JAKMIP2: variants seen among roughly 807,000 people sequenced by gnomAD.
JAKMIP2 encodes janus kinase and microtubule interacting protein 2.
JAKMIP2 carries 25 observed loss-of-function variants against 115.0 expected under a neutral mutation model. The ratio of observed to expected loss-of-function variants is 0.22; its 90% CI spans 0.16 to 0.30. JAKMIP2 has a LOEUF of 0.30. JAKMIP2 is among the 10% of genes least tolerant of loss of function. JAKMIP2 has a pLI of 1.00. For synonymous variants in JAKMIP2, 334 were observed against 343.6 expected, an observed-to-expected ratio of 0.97 and a Z score of 0.31; for missense variants, 642 against 957.6, an observed-to-expected ratio of 0.67 and a Z score of 4.35.
chr5:147,742,155 A>ATATATATATATATATATATATTTTTT lies in JAKMIP2; in HGVS notation c.-149+40300_-149+40301insAAAAAATATATATATATATATATATA. 1.5e-4 allele frequency among the ~76,000 whole-genome samples: 16 copies of ATATATATATATATATATATATTTTTT among 108,904 alleles called. 1 individual carries two copies. Among genetic ancestry groups the ATATATATATATATATATATATTTTTT allele is most frequent in the East Asian group, 1.3e-3 (4 of 3,060 alleles). The allele number at this position is 108,904 out of a possible 152,430, so 71.4% of individuals were successfully genotyped here. On this transcript the variant is annotated intron_variant, in intron 1 of 21. Coordinates refer to ENST00000616793, the MANE Select transcript of JAKMIP2 (RefSeq NM_001270941.2). ...TGTGGATCATTATATATATATATAT[A>ATATATATATATATATATATATTTTTT]TTTTTTTTACTATTGTATTGTATCT...
intron 8 of JAKMIP2, 44 bp from the exon 9 acceptor site, chr5:147,640,867 AGGGAAAGTTGAACGTTAAAATACT>A: frequency 6.3e-7 from 1 of 1,590,638 alleles, no homozygotes; most frequent in Non-Finnish European, 8.6e-7. Context: ...AGCTAACAGT[AGGGAAAGTTGAACGTTAAAATACT>A]GTCAACTGGC....
chr5:147,663,880 C>T (rs17107091), intron 2 of JAKMIP2, among the ~76,000 whole-genome samples: 21,622 of 151,986 alleles, frequency 0.14, 2,635 homozygotes, highest in East Asian at 0.35. Flanking sequence ...CTTTCTTAGG[C>T]TCTAGACTTG....
chr5:147,720,919 G>A (rs1182154214), intron 1 of JAKMIP2, among the ~76,000 whole-genome samples: 8 of 152,182 alleles, frequency 5.3e-5, no homozygotes, highest in Non-Finnish European at 7.3e-5. Context: ...GAGGAGGAGA[G>A]GCGCTCTGCT....
At chr5:147,605,389 T>C (rs903915099) in intron 20 of JAKMIP2, among the ~76,000 whole-genome samples, 5 of 152,058 alleles carry the variant, frequency 3.3e-5, no homozygotes, top group African/African-American at 1.2e-4. Flanking sequence ...TTTTGTATTT[T>C]TAGTAGAGAC....
intron 1 of JAKMIP2, among the ~76,000 whole-genome samples, chr5:147,709,285 T>C: frequency 6.6e-6 from 1 of 152,230 alleles, no homozygotes; most frequent in Non-Finnish European, 1.5e-5. Flanking sequence ...GAGACTCTTA[T>C]ACATACTTGC....
chr5:147,587,399 C>T lies in JAKMIP2; in HGVS notation c.*4308G>A, dbSNP rs1166426486. On this transcript the variant is annotated 3_prime_UTR_variant, in exon 22 of 22. Coordinates refer to ENST00000616793, the MANE Select transcript of JAKMIP2 (RefSeq NM_001270941.2). Reference sequence around the variant, plus strand: ...GCAATGCAACTCCCAAATTACAGAGCAAATTTCTATTGCTCTGTGTGTGTG... The same window carrying T: ...GCAATGCAACTCCCAAATTACAGAGTAAATTTCTATTGCTCTGTGTGTGTG... The T allele has an allele frequency of 7.3e-6, 1 of 137,130 alleles. No individual in the cohort carries two copies. Among genetic ancestry groups the T allele is most frequent in the Admixed American group, 7.9e-5 (1 of 12,668 alleles). The allele number at this position is 137,130 out of a possible 1,614,324, so 8.5% of individuals were successfully genotyped here. A position where few individuals can be genotyped will look rare whatever the true frequency, so the allele number is the denominator to read the frequency against.
intron 6 of JAKMIP2, among the ~76,000 whole-genome samples, chr5:147,644,474 T>C (rs1194213201): frequency 6.6e-6 from 1 of 152,208 alleles, no homozygotes; most frequent in Non-Finnish European, 1.5e-5. Context: ...CAAGTAATGG[T>C]ATCTATTTCC....
At chr5:147,766,131 T>A (rs1354941091) in intron 1 of JAKMIP2, among the ~76,000 whole-genome samples, 1 of 152,120 alleles carries the variant, frequency 6.6e-6, no homozygotes, top group African/African-American at 2.4e-5. Context: ...CCCCATCTTT[T>A]CTCCTTCTCC....
At chr5:147,654,174 G>C (rs1256096748) in intron 3 of JAKMIP2, among the ~76,000 whole-genome samples, 1 of 151,844 alleles carries the variant, frequency 6.6e-6, no homozygotes, top group Non-Finnish European at 1.5e-5. Flanking sequence ...TTTTTGCTTA[G>C]GACTGTGTTG....
chr5:147,673,563 G>A (rs575059913), intron 1 of JAKMIP2, among the ~76,000 whole-genome samples: 5 of 152,268 alleles, frequency 3.3e-5, no homozygotes, highest in Admixed American at 1.3e-4. Flanking sequence ...TGAGACTGTC[G>A]GCAGCAGTCA....
Position 147,593,394 on chromosome 5 carries a change from A to C in JAKMIP2, c.*21-1708T>G, listed in dbSNP as rs79038853. Among the ~76,000 whole-genome samples, 122 of 152,356 alleles carry C rather than the reference A, an allele frequency of 8.0e-4. No homozygotes were observed. In the East Asian group the frequency reaches 0.022, roughly 28 times the overall value. Reference sequence around the variant, plus strand: ...GAAAAGATATCAAGTGTTGGTCAACAGTAGCCAAAGAAACATCTGCAATCA... The same window carrying C: ...GAAAAGATATCAAGTGTTGGTCAACCGTAGCCAAAGAAACATCTGCAATCA... On this transcript the variant is annotated intron_variant, in intron 21 of 21. Coordinates refer to ENST00000616793, the MANE Select transcript of JAKMIP2 (RefSeq NM_001270941.2).
At chr5:147,615,140 C>T (rs1475857080) in intron 19 of JAKMIP2, among the ~76,000 whole-genome samples, 1 of 152,164 alleles carries the variant, frequency 6.6e-6, no homozygotes, top group East Asian at 1.9e-4. Flanking sequence ...TATGTCTTTG[C>T]TTACCATTAT....
chr5:147,647,454 G>T (rs1758184245), intron 5 of JAKMIP2, among the ~76,000 whole-genome samples: 1 of 152,150 alleles, frequency 6.6e-6, no homozygotes, highest in Admixed American at 6.5e-5. Context: ...AAATGCAAAT[G>T]TACCACAAGT....
chr5:147,704,264 T>C (rs1365543165), intron 1 of JAKMIP2, among the ~76,000 whole-genome samples: 1 of 152,188 alleles, frequency 6.6e-6, no homozygotes, highest in African/African-American at 2.4e-5. Context: ...TGATATACTT[T>C]TATAGACTGG....
rs1298367752 is a variant in JAKMIP2 at position 147,671,747 on chromosome 5, T to C, written c.60A>G (p.Gln20=). The C allele has an allele frequency of 1.9e-6, 3 of 1,592,518 alleles. No individual in the cohort carries two copies. The highest frequency in any genetic ancestry group is 2.6e-6 in the Non-Finnish European group (3 of 1,168,822). ...TGGTCCTGAGGTCTTCATTGGCAGC[T>C]TGAAGGGCAACAATGAGTGCCTCGG... ...EKPEALIVAL[Q]AANEDLRTKL... The change falls in exon 2 of 22, where the codon CAA becomes CAG. Residue 20 remains glutamine, a synonymous_variant. Coordinates refer to ENST00000616793, the MANE Select transcript of JAKMIP2 (RefSeq NM_001270941.2).
intron 1 of JAKMIP2, among the ~76,000 whole-genome samples, chr5:147,767,744 TCACATG>T (rs1026480448): frequency 6.6e-6 from 1 of 152,192 alleles, no homozygotes; most frequent in African/African-American, 2.4e-5. Flanking sequence ...CTCATTAGAT[TCACATG>T]CAAGAAACGG....
chr5:147,695,763 A>AC (rs1355628340), intron 1 of JAKMIP2, among the ~76,000 whole-genome samples: 5 of 151,952 alleles, frequency 3.3e-5, no homozygotes, highest in Non-Finnish European at 7.4e-5. Context: ...ATTTATACTA[A>AC]TTTTTAGGTA....
At chr5:147,660,120 C>T (rs1457273637) in intron 3 of JAKMIP2, among the ~76,000 whole-genome samples, 7 of 151,988 alleles carry the variant, frequency 4.6e-5, no homozygotes, top group South Asian at 2.1e-4. Context: ...GCTAAACATC[C>T]GAATGCAGAT....
At chr5:147,737,517 T>G (rs1316578173) in intron 1 of JAKMIP2, among the ~76,000 whole-genome samples, 2 of 152,190 alleles carry the variant, frequency 1.3e-5, no homozygotes, top group Non-Finnish European at 2.9e-5. Flanking sequence ...TAAGGTATAC[T>G]TTCTGACAAT....
Sources: allele counts gnomAD v4.1 joint callset (sites outside exome capture counted in the v4.1 genomes callset), GRCh38; gene constraint gnomAD v4.1.1; transcripts MANE v1.5; gene names NCBI Gene and HGNC (gene_info 2026-07-23, HGNC 2026-07-21).